The following AMBRA1 variants were observed in gnomAD, a reference collection of about 807,000 sequenced individuals.
The protein encoded by AMBRA1 is activating molecule in BECN1-regulated autophagy protein 1.
In AMBRA1, 47 loss-of-function variants were observed where a neutral mutation model predicts 125.4. The observed-to-expected ratio is 0.37, with a 90% CI of 0.30 to 0.48. AMBRA1 has a LOEUF of 0.48. Among genes scored for constraint, AMBRA1 ranks in the 20% least tolerant of loss-of-function variants. The pLI is 0.99. For missense variants in AMBRA1, 1,331 were observed against 1,693.4 expected (o/e 0.79, Z 3.76); for synonymous variants, 626 against 655.5 (o/e 0.95, Z 0.69).
chr11:46,498,556 CAAG>C (rs752038548), intron 9 of AMBRA1, among the ~76,000 whole-genome samples: 1 of 152,136 alleles, frequency 6.6e-6, no homozygotes, highest in Admixed American at 6.5e-5. Flanking sequence ...GTGCTGAATA[CAAG>C]AAGATGTATT....
chr11:46,564,379 C>T (rs2043449154), intron 1 of AMBRA1, among the ~76,000 whole-genome samples: 1 of 152,034 alleles, frequency 6.6e-6, no homozygotes, highest in Admixed American at 6.6e-5. Context: ...CACTTTATCT[C>T]ACTTTTTCCT....
chr11:46,447,339 A>G (rs1201720282), intron 11 of AMBRA1, among the ~76,000 whole-genome samples: 1 of 152,170 alleles, frequency 6.6e-6, no homozygotes, highest in African/African-American at 2.4e-5. Context: ...GTTCGAGACC[A>G]GCGTGACCAA....
At chr11:46,528,875 G>C (rs1436831260) in intron 7 of AMBRA1, among the ~76,000 whole-genome samples, 2 of 152,174 alleles carry the variant, frequency 1.3e-5, no homozygotes, top group Admixed American at 6.5e-5. Context: ...GGACAGCAAG[G>C]AGACAAAGGC....
intron 1 of AMBRA1, among the ~76,000 whole-genome samples, chr11:46,579,045 T>TTAAAAAA (rs755297972): frequency 2.1e-4 from 14 of 67,966 alleles, no homozygotes; most frequent in Non-Finnish European, 3.6e-4. Context: ...AAGAAAGCAA[T>TTAAAAAA]AAAAAAAAAA....
rs555936012 is a variant in AMBRA1 at position 46,398,843 on chromosome 11, G to C, written c.3404-900C>G. On this transcript the variant is annotated intron_variant, in intron 17 of 17. Coordinates refer to ENST00000683756, the MANE Select transcript of AMBRA1 (RefSeq NM_001387011.1). ...AGCTGGAGTGCAGTGGTGTGATCTT[G>C]GCTCACTGCAACCTCCGCCTCCCGG... 2.6e-5 allele frequency among the ~76,000 whole-genome samples: 4 copies of C among 151,788 alleles called. No individual in the cohort carries two copies. In the East Asian group the frequency reaches 7.8e-4, roughly 29 times the overall value.
chr11:46,534,831 G>T (rs1327856985), intron 7 of AMBRA1, among the ~76,000 whole-genome samples: 1 of 152,052 alleles, frequency 6.6e-6, no homozygotes, highest in Admixed American at 6.6e-5. Flanking sequence ...ATGCCACGAT[G>T]CCCAGCTAAT....
chr11:46,562,320 G>A (rs1460812049), intron 1 of AMBRA1, among the ~76,000 whole-genome samples: 4 of 152,184 alleles, frequency 2.6e-5, no homozygotes, highest in African/African-American at 4.8e-5. Flanking sequence ...AACATGGCTG[G>A]AGCACCACTA....
chr11:46,494,464 T>C (rs2134980221), intron 9 of AMBRA1: 1 of 373,112 alleles, frequency 2.7e-6, no homozygotes, highest in Non-Finnish European at 5.0e-6. Flanking sequence ...TCCCTTAGCG[T>C]CTCAAACTGA....
At chr11:46,437,819 G>C (rs1947801114) in intron 12 of AMBRA1, among the ~76,000 whole-genome samples, 1 of 152,176 alleles carries the variant, frequency 6.6e-6, no homozygotes, top group South Asian at 2.1e-4. Flanking sequence ...ATAAGGTAGA[G>C]AGAAAAGGGA....
intron 14 of AMBRA1, among the ~76,000 whole-genome samples, chr11:46,426,248 T>C (rs999281349): frequency 2.6e-5 from 4 of 151,976 alleles, no homozygotes; most frequent in Non-Finnish European, 4.4e-5. Flanking sequence ...CCAGGGCACA[T>C]GAGATTTCAA....
intron 17 of AMBRA1, among the ~76,000 whole-genome samples, chr11:46,399,856 C>T (rs1005785023): frequency 5.3e-5 from 8 of 152,178 alleles, no homozygotes; most frequent in African/African-American, 1.4e-4. Context: ...AGGATCTGTC[C>T]GCCACTCCCT....
In AMBRA1 at chr11:46,397,199, C is replaced by G. The variant is rs1012262384; in HGVS notation, c.*251G>C. 2.5e-6 allele frequency: 1 copy of G among 397,664 alleles called. No individual in the cohort carries two copies. Among genetic ancestry groups the G allele is most frequent in the Middle Eastern group, 6.7e-4 (1 of 1,502 alleles). The allele number at this position is 397,664 out of a possible 1,614,324, so 24.6% of individuals were successfully genotyped here. A position where few individuals can be genotyped will look rare whatever the true frequency, so the allele number is the denominator to read the frequency against. On this transcript the variant is annotated 3_prime_UTR_variant, in exon 18 of 18. Coordinates refer to ENST00000683756, the MANE Select transcript of AMBRA1 (RefSeq NM_001387011.1). ...CTGGCAGAGATACCCACTTGTTCCTCTATTCACATTAAGCCCACAGTGTGG... is the reference window on the plus strand; with the variant it reads ...CTGGCAGAGATACCCACTTGTTCCTGTATTCACATTAAGCCCACAGTGTGG...
chr11:46,570,999 T>C (rs186530235), intron 1 of AMBRA1, among the ~76,000 whole-genome samples: 1 of 152,320 alleles, frequency 6.6e-6, no homozygotes. Context: ...CCATAACCAC[T>C]GTACTGAAAT....
chr11:46,401,540 T>A (rs1041043433), intron 17 of AMBRA1, among the ~76,000 whole-genome samples: 5 of 152,162 alleles, frequency 3.3e-5, no homozygotes, highest in African/African-American at 1.2e-4. Context: ...AGCTCAGCTC[T>A]TCTCAAGTAG....
chr11:46,437,493 C>T (rs1255097288), intron 12 of AMBRA1, among the ~76,000 whole-genome samples: 2 of 152,226 alleles, frequency 1.3e-5, no homozygotes, highest in African/African-American at 2.4e-5. Flanking sequence ...GGTTTCACTT[C>T]TACCCTAATG....
At chr11:46,410,793 T>C (rs1023772710) in intron 15 of AMBRA1, among the ~76,000 whole-genome samples, 1 of 152,196 alleles carries the variant, frequency 6.6e-6, no homozygotes, top group Non-Finnish European at 1.5e-5. Flanking sequence ...CCAATGGGCA[T>C]GCCTAGTCTT....
chr11:46,444,362 T>C lies in AMBRA1; in HGVS notation c.2522-764A>G, dbSNP rs188752551. ...TATATTCTTCTGTATGACATTTTTT[T>C]CCTTGGTAACCAATTAAATAAAAAA... is the stretch of plus-strand genomic sequence containing the variant. On this transcript the variant is annotated intron_variant, in intron 11 of 17. Transcript: ENST00000683756. 3.1e-3 allele frequency among the ~76,000 whole-genome samples: 467 copies of C among 152,346 alleles called. 3 individuals carry two copies. Among genetic ancestry groups the C allele is most frequent in the African/African-American group, 0.011 (448 of 41,586 alleles).
At position 46,543,409 on chromosome 11, in the gene AMBRA1, GA is replaced by G; in HGVS notation, c.619-12del. On this transcript the variant is annotated splice_polypyrimidine_tract_variant and intron_variant, in intron 6 of 17. Coordinates refer to ENST00000683756, the MANE Select transcript of AMBRA1 (RefSeq NM_001387011.1). Reference sequence around the variant, plus strand: ...TGGTTCGTCATCACCCTGCAACGTGGACCAGCATGGGGCAGGGGGTAGAGCA... The same window carrying G: ...TGGTTCGTCATCACCCTGCAACGTGGCCAGCATGGGGCAGGGGGTAGAGCA... 1 of 1,613,190 alleles carries G rather than the reference GA, an allele frequency of 6.2e-7. No individual in the cohort carries two copies. The highest frequency in any genetic ancestry group is 8.5e-7 in the Non-Finnish European group (1 of 1,179,686).
chr11:46,547,106 T>C lies in AMBRA1; in HGVS notation c.378+7A>G. On this transcript the variant is annotated splice_region_variant and intron_variant, in intron 4 of 17. Transcript: ENST00000683756. ...AAAAGAAAAGGGTATCTTAAGGAAA[T>C]ACTCACGTGTAAATCCCAAATCCTA... 1 of 1,586,156 alleles carries C rather than the reference T, an allele frequency of 6.3e-7. No individual in the cohort carries two copies. Among genetic ancestry groups the C allele is most frequent in the Non-Finnish European group, 8.5e-7 (1 of 1,170,574 alleles).
Sources: allele counts gnomAD v4.1 joint callset (sites outside exome capture counted in the v4.1 genomes callset), GRCh38; gene constraint gnomAD v4.1.1; transcripts MANE v1.5; gene names NCBI Gene and HGNC (gene_info 2026-07-23, HGNC 2026-07-21).